SPOCK3: variants seen among roughly 807,000 people sequenced by gnomAD.
The protein encoded by SPOCK3 is testican-3.
Under a neutral mutation model 56.6 loss-of-function variants are expected in SPOCK3, and 30 were observed. That is an observed-to-expected ratio of 0.53 (90% CI 0.40 to 0.72). The LOEUF (loss-of-function observed/expected upper bound fraction) is 0.72. Ranked by LOEUF, SPOCK3 falls within the 30% of genes least tolerant of loss-of-function variation. SPOCK3 has a pLI of 0.00. For synonymous variants in SPOCK3, 196 were observed against 183.3 expected (o/e 1.07, Z -0.56); for missense variants, 527 against 530.0 (o/e 0.99, Z 0.06).
At chr4:167,007,767 A>G (rs751134871) in intron 3 of SPOCK3, among the ~76,000 whole-genome samples, 3 of 152,210 alleles carry the variant, frequency 2.0e-5, no homozygotes, top group Non-Finnish European at 4.4e-5. Context: ...CCTGTGTTCA[A>G]TAGAACCTCT....
At chr4:167,209,030 T>C (rs955570424) in intron 2 of SPOCK3, among the ~76,000 whole-genome samples, 3 of 152,270 alleles carry the variant, frequency 2.0e-5, no homozygotes, top group Admixed American at 1.3e-4. Flanking sequence ...AGTGGATGAA[T>C]ATATTATAAT....
At chr4:166,755,296 C>T (rs1579129690) in intron 7 of SPOCK3, among the ~76,000 whole-genome samples, 2 of 152,108 alleles carry the variant, frequency 1.3e-5, no homozygotes, top group East Asian at 3.9e-4. Context: ...TGGTCTCCTG[C>T]TTACCTCAAG....
intron 4 of SPOCK3, among the ~76,000 whole-genome samples, chr4:166,917,350 G>T (rs1737975140): frequency 6.6e-6 from 1 of 151,908 alleles, no homozygotes; most frequent in Non-Finnish European, 1.5e-5. Context: ...TTTAACTTAG[G>T]AGAGATATGG....
At chr4:166,871,206 T>TA (rs1226983976) in intron 6 of SPOCK3, among the ~76,000 whole-genome samples, 3 of 151,328 alleles carry the variant, frequency 2.0e-5, no homozygotes, top group African/African-American at 2.4e-5. Context: ...AAAATGATAA[T>TA]AAAAAAACAG....
At chr4:167,093,622 T>G (rs1758900392) in intron 2 of SPOCK3, among the ~76,000 whole-genome samples, 1 of 152,196 alleles carries the variant, frequency 6.6e-6, no homozygotes. Flanking sequence ...GGACATTAAC[T>G]CATCCTTTTC....
At chr4:167,081,605 A>T (rs1757712661) in intron 2 of SPOCK3, among the ~76,000 whole-genome samples, 1 of 152,090 alleles carries the variant, frequency 6.6e-6, no homozygotes, top group Admixed American at 6.6e-5. Flanking sequence ...CAACAGGATT[A>T]AGTTGTCATT....
In SPOCK3 at chr4:166,887,694, A is replaced by T. The variant is rs559707887; in HGVS notation, c.589+1436T>A. Among the ~76,000 whole-genome samples, 17 of 152,144 alleles carry T rather than the reference A, an allele frequency of 1.1e-4. No homozygotes were observed. The East Asian group carries it at 3.3e-3, about 29-fold the overall frequency. Reference sequence around the variant, plus strand: ...GGAACCACACTGGGTAGTTAAACTTAGACTGGGGCATGTCAGCAAGGATGA... The same window carrying T: ...GGAACCACACTGGGTAGTTAAACTTTGACTGGGGCATGTCAGCAAGGATGA... On this transcript the variant is annotated intron_variant, in intron 6 of 10. Transcript: ENST00000357545.
At chr4:167,202,635 A>ATAGAAGTATT (rs1554052651) in intron 2 of SPOCK3, among the ~76,000 whole-genome samples, 2,719 of 152,040 alleles carry the variant, frequency 0.018, 76 homozygotes, top group African/African-American at 0.062. Flanking sequence ...ATTACAAACC[A>ATAGAAGTATT]TGTTGCCAAT....
At chr4:167,161,346 T>C (rs1765286047) in intron 2 of SPOCK3, among the ~76,000 whole-genome samples, 6 of 152,110 alleles carry the variant, frequency 3.9e-5, no homozygotes, top group South Asian at 4.1e-4. Context: ...TGAGATACCA[T>C]CTCACACCAG....
chr4:167,006,728 T>C (rs1000712188), intron 3 of SPOCK3, among the ~76,000 whole-genome samples: 3 of 152,214 alleles, frequency 2.0e-5, no homozygotes, highest in African/African-American at 7.2e-5. Context: ...GATCTGTTCA[T>C]TAATTTTTCA....
rs542809750 is a variant in SPOCK3, at chr4:167,091,426, C to T, written c.190-28889G>A. ...ATTATGTGACAAAGTTATATTCACT[C>T]TCAAAGCTTAATTTCCTCATTTGCA... On this transcript the variant is annotated intron_variant, in intron 2 of 10. Coordinates refer to ENST00000357545, the MANE Select transcript of SPOCK3 (RefSeq NM_001040159.2). 1.2e-4 allele frequency among the ~76,000 whole-genome samples: 18 copies of T among 152,230 alleles called. 1 individual carries two copies. The South Asian group carries it at 3.5e-3, about 30-fold the overall frequency.
intron 2 of SPOCK3, among the ~76,000 whole-genome samples, chr4:167,066,968 A>G (rs1756208782): frequency 6.6e-6 from 1 of 151,836 alleles, no homozygotes; most frequent in Non-Finnish European, 1.5e-5. Flanking sequence ...TTGTGTCCAC[A>G]CAGCTACATC....
At chr4:166,955,080 A>C (rs1260466269) in intron 4 of SPOCK3, among the ~76,000 whole-genome samples, 2 of 152,174 alleles carry the variant, frequency 1.3e-5, no homozygotes, top group African/African-American at 4.8e-5. Flanking sequence ...AATCCAGGAA[A>C]CTATTAAGTG....
rs138908162 is a variant in SPOCK3 at position 166,920,077 on chromosome 4, T to C, written c.351-7334A>G. Among the ~76,000 whole-genome samples, 15 of 152,270 alleles carry C rather than the reference T, an allele frequency of 9.9e-5. 1 individual carries two copies. In the East Asian group the frequency reaches 2.5e-3, roughly 25 times the overall value. On this transcript the variant is annotated intron_variant, in intron 4 of 10. Transcript: ENST00000357545. Reference sequence around the variant, plus strand: ...GAAGTAAATTGACGGAGCTTAATTATCAAGTCTCTGGTGCGTACAATTCAT... The same window carrying C: ...GAAGTAAATTGACGGAGCTTAATTACCAAGTCTCTGGTGCGTACAATTCAT...
In SPOCK3 at chr4:167,144,243, C is replaced by T. The variant is rs145757535; in HGVS notation, c.190-81706G>A. Reference sequence around the variant, plus strand: ...TCTACTGTTTTCTACAAATAAGCTGCTAAAAGCACCCTAACAATTATCTTT... The same window carrying T: ...TCTACTGTTTTCTACAAATAAGCTGTTAAAAGCACCCTAACAATTATCTTT... On this transcript the variant is annotated intron_variant, in intron 2 of 10. Transcript: ENST00000357545. Among the ~76,000 whole-genome samples the T allele has an allele frequency of 6.4e-3, 970 of 151,988 alleles. 16 individuals are homozygous for T. The highest frequency in any genetic ancestry group is 0.022 in the African/African-American group (910 of 41,508).
At chr4:166,989,917 C>A (rs1747588378) in intron 4 of SPOCK3, among the ~76,000 whole-genome samples, 2 of 152,212 alleles carry the variant, frequency 1.3e-5, no homozygotes, top group South Asian at 4.1e-4. Context: ...TGTGATTATA[C>A]CATCCCTTAG....
At chr4:167,183,421 G>C (rs2110777660) in intron 2 of SPOCK3, among the ~76,000 whole-genome samples, 1 of 151,846 alleles carries the variant, frequency 6.6e-6, no homozygotes, top group Admixed American at 6.6e-5. Flanking sequence ...CTTCTAGTCA[G>C]AATTTAGGTT....
intron 7 of SPOCK3, among the ~76,000 whole-genome samples, chr4:166,763,865 C>G (rs748589331): frequency 1.3e-5 from 2 of 152,106 alleles, no homozygotes; most frequent in East Asian, 1.9e-4. Flanking sequence ...TAAGTAACAT[C>G]AATTCATTAT....
intron 2 of SPOCK3, among the ~76,000 whole-genome samples, chr4:167,135,772 TTGAC>T (rs772983501): frequency 4.0e-5 from 6 of 151,618 alleles, no homozygotes; most frequent in Non-Finnish European, 8.8e-5. Flanking sequence ...GTTTTAGTGA[TTGAC>T]TGCTGAATAA....
Sources: allele counts gnomAD v4.1 joint callset (sites outside exome capture counted in the v4.1 genomes callset), GRCh38; gene constraint gnomAD v4.1.1; transcripts MANE v1.5; gene names NCBI Gene and HGNC (gene_info 2026-07-23, HGNC 2026-07-21).